The following HPSE2 variants were observed in gnomAD, a reference collection of about 807,000 sequenced individuals.
HPSE2 encodes inactive heparanase-2.
HPSE2 carries 38 observed loss-of-function variants against 60.5 expected under a neutral mutation model. That is an observed-to-expected ratio of 0.63 (90% CI 0.48 to 0.82). HPSE2 has a LOEUF of 0.82. Among genes scored for constraint, HPSE2 ranks in the 40% least tolerant of loss-of-function variants. The probability of loss-of-function intolerance (pLI) is 0.00; values close to 1 mark genes in which losing one functional copy is unlikely to be tolerated. For synonymous variants in HPSE2, 295 were observed against 293.2 expected (o/e 1.01, Z -0.06); for missense variants, 713 against 740.4 (o/e 0.96, Z 0.43).
intron 3 of HPSE2, among the ~76,000 whole-genome samples, chr10:98,915,910 G>C (rs1192289452): frequency 3.9e-5 from 6 of 152,032 alleles, no homozygotes; most frequent in South Asian, 2.1e-4. Flanking sequence ...GACAGGAGAG[G>C]GTAGTGTACA....
At chr10:98,474,111 G>T (rs1940899741) in intron 11 of HPSE2, among the ~76,000 whole-genome samples, 1 of 152,206 alleles carries the variant, frequency 6.6e-6, no homozygotes, top group Non-Finnish European at 1.5e-5. Flanking sequence ...AATAATATCA[G>T]CAGTGTAGAA....
chr10:98,832,300 G>T (rs951769280), intron 3 of HPSE2, among the ~76,000 whole-genome samples: 2 of 152,122 alleles, frequency 1.3e-5, no homozygotes, highest in African/African-American at 4.8e-5. Flanking sequence ...GAATATATTT[G>T]GGAATGAGTT....
At chr10:99,290,651 G>C in the HPSE2 span, among the ~76,000 whole-genome samples, 9 of 152,158 alleles carry the variant, frequency 5.9e-5, no homozygotes, top group African/African-American at 1.9e-4. Context: ...GTGGGTTGGG[G>C]CACAGAGTTG....
intron 3 of HPSE2, among the ~76,000 whole-genome samples, chr10:98,939,133 G>C (rs1045489631): frequency 7.0e-6 from 1 of 143,560 alleles, no homozygotes. Context: ...GCAAAATCAT[G>C]GCAAATTGTA....
At chr10:98,706,738 T>A (rs967780560) in intron 5 of HPSE2, among the ~76,000 whole-genome samples, 9 of 152,062 alleles carry the variant, frequency 5.9e-5, no homozygotes, top group African/African-American at 1.9e-4. Flanking sequence ...TTCACAGAAG[T>A]CCAGTATGGC....
intron 3 of HPSE2, among the ~76,000 whole-genome samples, chr10:98,905,951 A>C (rs2134999299): frequency 6.6e-6 from 1 of 152,322 alleles, no homozygotes; most frequent in Middle Eastern, 3.4e-3. Flanking sequence ...TGAAGAACTT[A>C]GTCTCCTGGC....
chr10:98,689,496 T>G (rs765698689), intron 6 of HPSE2, among the ~76,000 whole-genome samples: 1 of 152,212 alleles, frequency 6.6e-6, no homozygotes, highest in Non-Finnish European at 1.5e-5. Context: ...TTTCTCAATA[T>G]GGATATTTTC....
chr10:99,233,418 T>C (rs1442871555), intron 1 of HPSE2, among the ~76,000 whole-genome samples: 1 of 152,152 alleles, frequency 6.6e-6, no homozygotes, highest in African/African-American at 2.4e-5. Context: ...GGATACTAAA[T>C]GAGCACAAAA....
At chr10:99,021,084 T>C (rs1463341763) in intron 3 of HPSE2, among the ~76,000 whole-genome samples, 1 of 152,134 alleles carries the variant, frequency 6.6e-6, no homozygotes, top group Non-Finnish European at 1.5e-5. Context: ...ATCTGATCCC[T>C]CCATTAAAAG....
intron 3 of HPSE2, among the ~76,000 whole-genome samples, chr10:99,125,083 G>T (rs1228187268): frequency 6.6e-6 from 1 of 152,178 alleles, no homozygotes; most frequent in African/African-American, 2.4e-5. Context: ...AGTTGAATCG[G>T]GGTATTTTGA....
intron 3 of HPSE2, among the ~76,000 whole-genome samples, chr10:98,798,119 G>T (rs1950822615): frequency 6.6e-6 from 1 of 152,092 alleles, no homozygotes; most frequent in East Asian, 1.9e-4. Context: ...CAATAGGTCT[G>T]GCAGCAGATT....
intron 3 of HPSE2, among the ~76,000 whole-genome samples, chr10:99,107,857 T>G (rs1844308349): frequency 6.6e-6 from 1 of 152,188 alleles, no homozygotes; most frequent in Admixed American, 6.5e-5. Flanking sequence ...GAGAAGAAAA[T>G]GAACACTAAG....
intron 9 of HPSE2, among the ~76,000 whole-genome samples, chr10:98,564,654 T>C (rs1944287623): frequency 6.6e-6 from 1 of 152,236 alleles, no homozygotes; most frequent in Non-Finnish European, 1.5e-5. Context: ...TTAATTTTAC[T>C]ACCTACGTAC....
chr10:98,891,693 T>C (rs1953340558), intron 3 of HPSE2, among the ~76,000 whole-genome samples: 2 of 152,174 alleles, frequency 1.3e-5, no homozygotes, highest in Admixed American at 1.3e-4. Flanking sequence ...TGGCCTCAAG[T>C]GATCCTCCCA....
At chr10:99,145,249 G>A (rs1169715994) in intron 2 of HPSE2, among the ~76,000 whole-genome samples, 1 of 152,172 alleles carries the variant, frequency 6.6e-6, no homozygotes, top group Non-Finnish European at 1.5e-5. Context: ...GATGTCAGGA[G>A]TTCAAGACCA....
chr10:99,297,659 G>A, the HPSE2 span, among the ~76,000 whole-genome samples: 1 of 152,128 alleles, frequency 6.6e-6, no homozygotes. Flanking sequence ...TTGATTGTGA[G>A]AGACCCCTGT....
At chr10:98,852,209 CCATAGCCCT>C (rs1830157976) in intron 3 of HPSE2, among the ~76,000 whole-genome samples, 1 of 141,260 alleles carries the variant, frequency 7.1e-6, no homozygotes, top group African/African-American at 2.6e-5. Flanking sequence ...CTGATAACTC[CCATAGCCCT>C]TATTACAATG....
intron 5 of HPSE2, among the ~76,000 whole-genome samples, chr10:98,717,475 G>T (rs981098265): frequency 1.3e-5 from 2 of 152,062 alleles, no homozygotes; most frequent in African/African-American, 2.4e-5. Flanking sequence ...TTGAGCTTCT[G>T]CCTTAAAGTG....
chr10:98,969,402 T>G (rs559539475), intron 3 of HPSE2, among the ~76,000 whole-genome samples: 1 of 152,328 alleles, frequency 6.6e-6, no homozygotes, highest in African/African-American at 2.4e-5. Flanking sequence ...AGATAGTTAA[T>G]AGTTGCATTG....
Sources: allele counts gnomAD v4.1 joint callset (sites outside exome capture counted in the v4.1 genomes callset), GRCh38; gene constraint gnomAD v4.1.1; transcripts MANE v1.5; gene names NCBI Gene and HGNC (gene_info 2026-07-23, HGNC 2026-07-21).